The following HCN1 variants were observed in gnomAD, a reference collection of about 807,000 sequenced individuals.
The protein encoded by HCN1 is hyperpolarization activated cyclic nucleotide gated potassium channel 1.
In HCN1, 13 loss-of-function variants were observed where a neutral mutation model predicts 78.9. The ratio of observed to expected loss-of-function variants is 0.16; its 90% confidence interval spans 0.11 to 0.26. The LOEUF is 0.26. Among genes scored for constraint, HCN1 ranks in the 10% least tolerant of loss-of-function variants. The probability of loss-of-function intolerance (pLI) is 1.00; values close to 1 mark genes in which losing one functional copy is unlikely to be tolerated. For missense variants in HCN1, 810 were observed against 1,154.3 expected (o/e 0.70, Z 4.32); for synonymous variants, 552 against 455.5 (o/e 1.21, Z -2.70).
chr5:45,487,468 T>G (rs1461724069), intron 2 of HCN1, among the ~76,000 whole-genome samples: 1 of 152,056 alleles, frequency 6.6e-6, no homozygotes, highest in Non-Finnish European at 1.5e-5. Flanking sequence ...ATTCTGTTGG[T>G]TAGAGCAATG....
At chr5:45,504,035 C>A (rs888191197) in intron 2 of HCN1, among the ~76,000 whole-genome samples, 1 of 152,044 alleles carries the variant, frequency 6.6e-6, no homozygotes, top group East Asian at 1.9e-4. Context: ...ATCCACCCAC[C>A]CAGCCTCCAA....
intron 2 of HCN1, among the ~76,000 whole-genome samples, chr5:45,598,692 A>T (rs1378549053): frequency 6.6e-6 from 1 of 152,206 alleles, no homozygotes; most frequent in Non-Finnish European, 1.5e-5. Context: ...AATATCCAGA[A>T]TCTACAAAGA....
At chr5:45,488,021 T>C (rs1008801258) in intron 2 of HCN1, among the ~76,000 whole-genome samples, 5 of 152,128 alleles carry the variant, frequency 3.3e-5, no homozygotes, top group African/African-American at 1.2e-4. Context: ...CAACGTGTAT[T>C]AAATGTGAAT....
intron 1 of HCN1, among the ~76,000 whole-genome samples, chr5:45,669,492 G>T (rs1171489595): frequency 6.6e-6 from 1 of 151,716 alleles, no homozygotes; most frequent in Non-Finnish European, 1.5e-5. Flanking sequence ...CAGAAGTGAT[G>T]CCAGGACCAA....
At chr5:45,583,928 T>G (rs936461367) in intron 2 of HCN1, among the ~76,000 whole-genome samples, 1 of 152,162 alleles carries the variant, frequency 6.6e-6, no homozygotes, top group African/African-American at 2.4e-5. Context: ...TTACATTTGT[T>G]GAGGAGTGCT....
chr5:45,301,913 G>T (rs1004472379), intron 6 of HCN1, among the ~76,000 whole-genome samples: 2 of 151,818 alleles, frequency 1.3e-5, no homozygotes, highest in African/African-American at 4.8e-5. Flanking sequence ...GGAGAAAATA[G>T]TTGCATCATA....
At chr5:45,670,344 C>T (rs755730481) in intron 1 of HCN1, among the ~76,000 whole-genome samples, 1 of 151,674 alleles carries the variant, frequency 6.6e-6, no homozygotes, top group Non-Finnish European at 1.5e-5. Flanking sequence ...CAACACATTT[C>T]ATATGTTTTG....
At chr5:45,282,740 C>A (rs918069258) in intron 6 of HCN1, among the ~76,000 whole-genome samples, 12 of 152,138 alleles carry the variant, frequency 7.9e-5, no homozygotes, top group Non-Finnish European at 1.8e-4. Flanking sequence ...AAATATACCC[C>A]GTAGGACTAA....
intron 3 of HCN1, among the ~76,000 whole-genome samples, chr5:45,415,194 T>G (rs1740095798): frequency 6.6e-6 from 1 of 152,078 alleles, no homozygotes; most frequent in South Asian, 2.1e-4. Flanking sequence ...TTTGTTTTAA[T>G]GAAAACAATG....
intron 6 of HCN1, among the ~76,000 whole-genome samples, chr5:45,289,043 T>A (rs1427641623): frequency 1.3e-5 from 2 of 152,036 alleles, no homozygotes; most frequent in African/African-American, 2.4e-5. Context: ...ATCAGTCCTT[T>A]ACTCATAAGC....
intron 1 of HCN1, among the ~76,000 whole-genome samples, chr5:45,680,220 A>C (rs1319900367): frequency 1.3e-5 from 2 of 152,136 alleles, no homozygotes; most frequent in African/African-American, 4.8e-5. Flanking sequence ...AAGACGTGCA[A>C]TTCTAAAATA....
Position 45,262,014 on chromosome 5 carries a change from G to C in HCN1, c.2580C>G (p.Pro860=). 1.2e-6 allele frequency: 2 copies of C among 1,614,104 alleles called. No homozygotes were observed. The highest frequency in any genetic ancestry group is 4.5e-5 in the East Asian group (2 of 44,852). Residue 860 remains proline, a synonymous_variant, in exon 8 of 8, where the codon CCC becomes CCG. Transcript: ENST00000303230. ...TTGGAAGAGCAGCTGCTGGTGGAGG[G>C]GGTGCTGGAGGGACTCCTCGGTTCG... is the stretch of plus-strand genomic sequence containing the variant. ...IPPNRGVPPA[P]PPPAAALPRE...
At chr5:45,374,082 TTACATA>T (rs1305875680) in intron 4 of HCN1, among the ~76,000 whole-genome samples, 10 of 57,224 alleles carry the variant, frequency 1.7e-4, no homozygotes, top group African/African-American at 6.8e-5. Context: ...ATAATATCTA[TTACATA>T]TATGTATATA....
intron 1 of HCN1, among the ~76,000 whole-genome samples, chr5:45,680,153 G>T (rs1042997208): frequency 5.3e-5 from 8 of 152,058 alleles, no homozygotes; most frequent in Non-Finnish European, 1.0e-4. Context: ...GTGCCACATT[G>T]CAGTCAACTA....
intron 4 of HCN1, among the ~76,000 whole-genome samples, chr5:45,374,255 T>A (rs1317630655): frequency 1.6e-5 from 2 of 125,430 alleles, no homozygotes; most frequent in African/African-American, 6.3e-5. Context: ...ATGTACATTA[T>A]ATACATAACA....
chr5:45,419,488 A>G (rs553020438), intron 3 of HCN1, among the ~76,000 whole-genome samples: 5 of 152,308 alleles, frequency 3.3e-5, no homozygotes, highest in African/African-American at 1.2e-4. Context: ...ATATTATACT[A>G]ATAAGACAGT....
intron 6 of HCN1, among the ~76,000 whole-genome samples, chr5:45,302,891 C>T (rs1487579685): frequency 6.6e-6 from 1 of 151,970 alleles, no homozygotes; most frequent in Admixed American, 6.6e-5. Context: ...GTAAGAAGTA[C>T]CTTTTGCCTT....
chr5:45,529,392 A>C (rs1335226330), intron 2 of HCN1, among the ~76,000 whole-genome samples: 1 of 152,084 alleles, frequency 6.6e-6, no homozygotes, highest in African/African-American at 2.4e-5. Flanking sequence ...TAAACAATTA[A>C]GAAGTAGAAA....
chr5:45,539,919 G>T (rs1219219911), intron 2 of HCN1, among the ~76,000 whole-genome samples: 2 of 126,104 alleles, frequency 1.6e-5, no homozygotes, highest in African/African-American at 6.7e-5. Flanking sequence ...TAAATTGTGA[G>T]ATATATATAT....
Sources: gnomAD v4.1 joint callset for allele counts (sites outside exome capture counted in the v4.1 genomes callset) on GRCh38, gnomAD v4.1.1 for gene constraint, MANE v1.5 for transcripts, NCBI Gene and HGNC (gene_info 2026-07-23, HGNC 2026-07-21) for gene names.